The following RUNX2 variants were observed in gnomAD, a reference collection of about 807,000 sequenced individuals.
RUNX2 encodes the protein runt-related transcription factor 2.
In RUNX2, 10 loss-of-function variants were observed where a neutral mutation model predicts 51.7. That is an observed-to-expected ratio of 0.19 (90% CI 0.12 to 0.33). The LOEUF is 0.33. Among genes scored for constraint, RUNX2 ranks in the 10% least tolerant of loss-of-function variants. RUNX2 has a pLI of 1.00. For missense variants in RUNX2, 562 were observed against 691.3 expected, an observed-to-expected ratio of 0.81 and a Z score of 2.10; for synonymous variants, 276 against 273.6, an observed-to-expected ratio of 1.01 and a Z score of -0.09.
chr6:45,330,287 T>C (rs1476979823), intron 2 of RUNX2, among the ~76,000 whole-genome samples: 1 of 151,938 alleles, frequency 6.6e-6, no homozygotes, highest in Non-Finnish European at 1.5e-5. Flanking sequence ...TAAACACAGC[T>C]AGACTACATT....
chr6:45,344,268 C>T (rs1790406872), intron 2 of RUNX2, among the ~76,000 whole-genome samples: 1 of 152,164 alleles, frequency 6.6e-6, no homozygotes, highest in African/African-American at 2.4e-5. Flanking sequence ...AATTTTCAAT[C>T]TTATTTCTTA....
chr6:45,482,746 C>T (rs1800150658), intron 5 of RUNX2, among the ~76,000 whole-genome samples: 1 of 152,098 alleles, frequency 6.6e-6, no homozygotes, highest in Admixed American at 6.6e-5. Flanking sequence ...TATGGTTTAA[C>T]CATGTAATTA....
At chr6:45,459,083 C>T (rs1013148495) in intron 5 of RUNX2, among the ~76,000 whole-genome samples, 1 of 152,160 alleles carries the variant, frequency 6.6e-6, no homozygotes, top group Non-Finnish European at 1.5e-5. Context: ...TCTTGACATC[C>T]CATATTCTCT....
intron 2 of RUNX2, among the ~76,000 whole-genome samples, chr6:45,384,274 T>TG (rs1554376805): frequency 6.6e-6 from 1 of 151,854 alleles, no homozygotes; most frequent in Admixed American, 6.6e-5. Context: ...TTGGGGTTTT[T>TG]TTTGTTTGTT....
chr6:45,481,989 A>G (rs1417890074), intron 5 of RUNX2, among the ~76,000 whole-genome samples: 1 of 152,240 alleles, frequency 6.6e-6, no homozygotes, highest in African/African-American at 2.4e-5. Flanking sequence ...TGGAAACAAC[A>G]GGCAGACAAA....
intron 5 of RUNX2, among the ~76,000 whole-genome samples, chr6:45,457,363 A>G (rs778998202): frequency 1.4e-4 from 21 of 152,148 alleles, no homozygotes; most frequent in Non-Finnish European, 2.2e-4. Context: ...ATCAGCAGGT[A>G]AGGTAGTTCT....
chr6:45,350,580 T>C (rs1181521847), intron 2 of RUNX2, among the ~76,000 whole-genome samples: 2 of 151,884 alleles, frequency 1.3e-5, no homozygotes, highest in Non-Finnish European at 2.9e-5. Context: ...ATGTTGAGAG[T>C]AGAAATGAGA....
chr6:45,473,516 G>GCCTTATGCTTGACGACAGGTGCTAAT (rs1441849605), intron 5 of RUNX2, among the ~76,000 whole-genome samples: 1 of 152,132 alleles, frequency 6.6e-6, no homozygotes, highest in Non-Finnish European at 1.5e-5. Context: ...CGGCGGTGTT[G>GCCTTATGCTTGACGACAGGTGCTAAT]CCTTATGCTT....
At chr6:45,487,171 T>C (rs1263023905) in intron 5 of RUNX2, among the ~76,000 whole-genome samples, 1 of 152,206 alleles carries the variant, frequency 6.6e-6, no homozygotes, top group Non-Finnish European at 1.5e-5. Flanking sequence ...TTTTTGTTTT[T>C]AATTTTAAAT....
chr6:45,346,227 A>G (rs571465400), intron 2 of RUNX2, among the ~76,000 whole-genome samples: 1 of 152,272 alleles, frequency 6.6e-6, no homozygotes, highest in East Asian at 1.9e-4. Flanking sequence ...ATATATGTAA[A>G]TATATATAAT....
intron 2 of RUNX2, among the ~76,000 whole-genome samples, chr6:45,408,846 A>G (rs147222932): frequency 6.6e-6 from 1 of 152,310 alleles, no homozygotes; most frequent in East Asian, 1.9e-4. Context: ...TAGCTTGCCA[A>G]TTACACTGAT....
At chr6:45,393,308 G>A (rs1797510511) in intron 2 of RUNX2, among the ~76,000 whole-genome samples, 1 of 152,160 alleles carries the variant, frequency 6.6e-6, no homozygotes, top group Non-Finnish European at 1.5e-5. Flanking sequence ...AGGTAGATAG[G>A]CCCTCACTGT....
intron 5 of RUNX2, 54 bp from the exon 6 acceptor site, chr6:45,491,887 G>T (rs1485548252): frequency 6.5e-7 from 1 of 1,547,378 alleles, no homozygotes; most frequent in Non-Finnish European, 8.9e-7. Flanking sequence ...TATTTAGCAT[G>T]GTCAATTGTT....
chr6:45,531,389 A>G (rs1302205103), intron 7 of RUNX2, among the ~76,000 whole-genome samples: 1 of 152,224 alleles, frequency 6.6e-6, no homozygotes, highest in East Asian at 1.9e-4. Flanking sequence ...TAGTGGAAAA[A>G]TCTACCTCCC....
At chr6:45,374,520 T>C (rs1582016884) in intron 2 of RUNX2, among the ~76,000 whole-genome samples, 1 of 152,238 alleles carries the variant, frequency 6.6e-6, no homozygotes, top group African/African-American at 2.4e-5. Context: ...TAAAATATTT[T>C]ACCCACTTCA....
intron 2 of RUNX2, among the ~76,000 whole-genome samples, chr6:45,404,259 C>CAAAAAAAAA (rs34529128): frequency 1.1e-4 from 3 of 27,560 alleles, no homozygotes; most frequent in Non-Finnish European, 2.0e-4. Flanking sequence ...GACTCTGTCT[C>CAAAAAAAAA]AAAAAAAAAA....
intron 2 of RUNX2, among the ~76,000 whole-genome samples, chr6:45,399,349 C>CTTTTTTTTTTTTTTTTTTTTTTTTT (rs398048486): frequency 5.2e-5 from 3 of 57,346 alleles, no homozygotes; most frequent in Non-Finnish European, 1.0e-4. Context: ...CTTTTCTTTC[C>CTTTTTTTTTTTTTTTTTTTTTTTTT]TTTTTTTTTT....
intron 2 of RUNX2, among the ~76,000 whole-genome samples, chr6:45,383,486 A>G (rs1797284626): frequency 6.6e-6 from 1 of 152,188 alleles, no homozygotes; most frequent in African/African-American, 2.4e-5. Context: ...TGAATTTGTA[A>G]CATTCTATAA....
intron 5 of RUNX2, among the ~76,000 whole-genome samples, chr6:45,451,187 C>T (rs1799161093): frequency 6.6e-6 from 1 of 151,930 alleles, no homozygotes; most frequent in South Asian, 2.1e-4. Flanking sequence ...TTGAGAAAGA[C>T]CTTGAAGAGC....
Sources: allele counts gnomAD v4.1 joint callset (sites outside exome capture counted in the v4.1 genomes callset), GRCh38; gene constraint gnomAD v4.1.1; transcripts MANE v1.5; gene names NCBI Gene and HGNC (gene_info 2026-07-23, HGNC 2026-07-21).